The following SPATA16 variants were observed in gnomAD, a reference collection of about 807,000 sequenced individuals.
SPATA16 encodes spermatogenesis-associated protein 16.
In SPATA16, 36 loss-of-function variants were observed where a neutral mutation model predicts 63.3. The ratio of observed to expected loss-of-function variants is 0.57; its 90% CI spans 0.44 to 0.75. SPATA16 has a LOEUF of 0.75. Among genes scored for constraint, SPATA16 ranks in the 30% least tolerant of loss-of-function variants. The probability of loss-of-function intolerance (pLI) is 0.00; values close to 1 mark genes in which losing one functional copy is unlikely to be tolerated. For missense variants in SPATA16, 646 were observed against 679.3 expected (o/e 0.95, Z 0.54); for synonymous variants, 203 against 216.7 (o/e 0.94, Z 0.56).
At chr3:173,128,256 T>A (rs1738279096) in intron 1 of SPATA16, among the ~76,000 whole-genome samples, 1 of 152,168 alleles carries the variant, frequency 6.6e-6, no homozygotes, top group African/African-American at 2.4e-5. Context: ...AAGCACAAAC[T>A]CATGGCATAA....
chr3:173,116,437 G>A (rs1465880078), intron 2 of SPATA16, among the ~76,000 whole-genome samples: 1 of 152,158 alleles, frequency 6.6e-6, no homozygotes, highest in Admixed American at 6.6e-5. Flanking sequence ...TATGTCATGA[G>A]CTAGTATAAT....
At chr3:173,100,660 GCACACA>G (rs3980195) in intron 2 of SPATA16, among the ~76,000 whole-genome samples, 9,937 of 134,062 alleles carry the variant, frequency 0.074, 349 homozygotes, top group Non-Finnish European at 0.088. Context: ...CACATAAACA[GCACACA>G]CACACACACA....
At chr3:173,113,580 A>G (rs1044194445) in intron 2 of SPATA16, among the ~76,000 whole-genome samples, 2 of 152,224 alleles carry the variant, frequency 1.3e-5, no homozygotes, top group African/African-American at 4.8e-5. Flanking sequence ...ATCATTGCAT[A>G]TCATTTGACC....
intron 6 of SPATA16, among the ~76,000 whole-genome samples, chr3:172,936,953 C>T (rs1733010647): frequency 6.6e-6 from 1 of 152,130 alleles, no homozygotes; most frequent in Admixed American, 6.6e-5. Context: ...TCAAGTGATC[C>T]ACCTGCTTCA....
chr3:173,023,622 T>G (rs890888668), intron 3 of SPATA16, among the ~76,000 whole-genome samples: 6 of 151,880 alleles, frequency 4.0e-5, no homozygotes, highest in African/African-American at 1.4e-4. Context: ...ATTTTTATAT[T>G]ATTGTCTTCC....
chr3:172,968,615 C>G (rs941301766), intron 5 of SPATA16, among the ~76,000 whole-genome samples: 1 of 152,192 alleles, frequency 6.6e-6, no homozygotes, highest in African/African-American at 2.4e-5. Flanking sequence ...TCTCTCCCCC[C>G]TTTCTTCCCT....
chr3:173,117,094 A>T, intron 2 of SPATA16, 26 bp downstream of exon 2: 1 of 1,608,950 alleles, frequency 6.2e-7, no homozygotes, highest in South Asian at 1.1e-5. Flanking sequence ...TCCTGTCACC[A>T]ATCTATATTT....
At chr3:173,012,894 C>T (rs372271696) in intron 4 of SPATA16, among the ~76,000 whole-genome samples, 246 of 152,080 alleles carry the variant, frequency 1.6e-3, no homozygotes, top group African/African-American at 5.6e-3. Context: ...TGGCAGTGTC[C>T]TCAAAACATA....
chr3:173,063,023 G>A (rs578064131), intron 2 of SPATA16, among the ~76,000 whole-genome samples: 3 of 152,296 alleles, frequency 2.0e-5, no homozygotes, highest in South Asian at 2.1e-4. Context: ...AGCAGGCCAC[G>A]ATTGGGGACC....
At chr3:173,040,398 T>A (rs1428172530) in intron 3 of SPATA16, among the ~76,000 whole-genome samples, 2 of 152,282 alleles carry the variant, frequency 1.3e-5, no homozygotes, top group East Asian at 3.9e-4. Context: ...AGGGAGGATT[T>A]CAGGTATAAG....
intron 1 of SPATA16, among the ~76,000 whole-genome samples, chr3:173,121,356 T>C (rs1324348311): frequency 6.6e-6 from 1 of 152,168 alleles, no homozygotes; most frequent in African/African-American, 2.4e-5. Context: ...TCAGCCTTAT[T>C]TAGCACTTCT....
In SPATA16 at chr3:172,976,964, T is replaced by C. The variant is rs774891840; in HGVS notation, c.933+4A>G. 1.9e-6 allele frequency: 3 copies of C among 1,612,046 alleles called. No homozygotes were observed. The highest frequency in any genetic ancestry group is 1.7e-6 in the Non-Finnish European group (2 of 1,179,032). On this transcript the variant is annotated splice_donor_region_variant and intron_variant, in intron 5 of 10. Transcript: ENST00000351008. ...TCCTCCCTAGTTGGGACATCAATTT[T>C]TACCTGCCAATACAGTTTGATGAGC...
chr3:173,009,597 G>A (rs898424985), intron 4 of SPATA16, among the ~76,000 whole-genome samples: 9 of 152,324 alleles, frequency 5.9e-5, no homozygotes, highest in African/African-American at 1.9e-4. Context: ...AGGCTCTTTC[G>A]CATGCCCTTA....
chr3:173,030,476 G>A (rs1456984974), intron 3 of SPATA16, among the ~76,000 whole-genome samples: 1 of 151,968 alleles, frequency 6.6e-6, no homozygotes, highest in Non-Finnish European at 1.5e-5. Context: ...CATATGAAAA[G>A]ATGTTTACAT....
At chr3:173,073,869 G>A (rs1010413798) in intron 2 of SPATA16, among the ~76,000 whole-genome samples, 26 of 152,328 alleles carry the variant, frequency 1.7e-4, no homozygotes, top group African/African-American at 5.5e-4. Flanking sequence ...ACTCCAGCCT[G>A]TGAAAGCAGC....
intron 2 of SPATA16, among the ~76,000 whole-genome samples, chr3:173,088,813 T>C (rs997280458): frequency 5.3e-5 from 8 of 152,224 alleles, no homozygotes; most frequent in African/African-American, 9.6e-5. Flanking sequence ...AACAAATGTT[T>C]CTTAAAAGCC....
At chr3:172,922,217 CT>C (rs1277061491) in intron 8 of SPATA16, among the ~76,000 whole-genome samples, 1 of 142,422 alleles carries the variant, frequency 7.0e-6, no homozygotes, top group Non-Finnish European at 1.5e-5. Context: ...TCCCTGGGCA[CT>C]TTCAGGCTTA....
intron 4 of SPATA16, among the ~76,000 whole-genome samples, chr3:173,014,717 G>T (rs747062185): frequency 2.0e-5 from 3 of 152,190 alleles, no homozygotes; most frequent in Non-Finnish European, 4.4e-5. Context: ...ACATTAGTTG[G>T]ACTTGAGTGA....
chr3:172,950,011 T>C (rs1251752873), intron 6 of SPATA16, among the ~76,000 whole-genome samples: 1 of 152,158 alleles, frequency 6.6e-6, no homozygotes, highest in Non-Finnish European at 1.5e-5. Context: ...CTACCCTACC[T>C]CAACTCATGG....
Sources: allele counts gnomAD v4.1 joint callset (sites outside exome capture counted in the v4.1 genomes callset), GRCh38; gene constraint gnomAD v4.1.1; transcripts MANE v1.5; gene names NCBI Gene and HGNC (gene_info 2026-07-23, HGNC 2026-07-21).